D2HGDH: variants seen among roughly 807,000 people sequenced by gnomAD.
D2HGDH encodes D-2-hydroxyglutarate dehydrogenase, also known as D-2-hydroxyglutarate dehydrogenase, mitochondrial.
In D2HGDH, 31 loss-of-function variants were observed where a neutral mutation model predicts 46.9. The observed-to-expected ratio is 0.66, with a 90% confidence interval of 0.50 to 0.89. D2HGDH has a LOEUF of 0.89. D2HGDH is among the 40% of genes least tolerant of loss of function. The pLI, the probability that D2HGDH is intolerant of heterozygous loss-of-function variation, is 0.00. For missense variants in D2HGDH, 698 were observed against 720.8 expected, an observed-to-expected ratio of 0.97 and a Z score of 0.36; for synonymous variants, 364 against 332.6, an observed-to-expected ratio of 1.09 and a Z score of -1.03.
chr2:241,755,743 G>T, intron 8 of D2HGDH, 106 bp from the exon 9 acceptor site: 1 of 1,609,674 alleles, frequency 6.2e-7, no homozygotes, highest in Non-Finnish European at 8.5e-7. Context: ...GCCTCACCTG[G>T]TGAAGATACA....
At chr2:241,755,328 C>T (rs750925081) in intron 8 of D2HGDH, 1 of 1,303,128 alleles carries the variant, frequency 7.7e-7, no homozygotes, top group South Asian at 1.2e-5. Context: ...GCTGCCTGGG[C>T]CCTGCTGTTG....
At chr2:241,752,561 C>T (rs1245555973) in intron 8 of D2HGDH, among the ~76,000 whole-genome samples, 1 of 152,090 alleles carries the variant, frequency 6.6e-6, no homozygotes, top group Non-Finnish European at 1.5e-5. Context: ...CTGTGGCTTC[C>T]AGTCCAGGGG....
In D2HGDH at chr2:241,758,769, A is replaced by ATGTGTGTGTGTGTGTGTGTG. The variant is rs558559121; in HGVS notation, c.1306+2779_1306+2798dup. 1.5e-3 allele frequency among the ~76,000 whole-genome samples: 195 copies of ATGTGTGTGTGTGTGTGTGTG among 131,962 alleles called. 1 individual carries two copies. The highest frequency in any genetic ancestry group is 2.4e-3 in the Admixed American group (31 of 12,682). The allele number at this position is 131,962 out of a possible 152,430, so 86.6% of individuals were successfully genotyped here. A position where few individuals can be genotyped will look rare whatever the true frequency, so the allele number is the denominator to read the frequency against. On this transcript the variant is annotated intron_variant, in intron 9 of 9. Transcript: ENST00000321264. ...TATACCGCCCCCCGCCCCACAATAT[A>ATGTGTGTGTGTGTGTGTGTG]TGTGTGTGTGTGTGTGTGTGTGTGT...
In D2HGDH at chr2:241,735,343, C is replaced by G; in HGVS notation, c.119C>G (p.Pro40Arg). ...GCCCGCAGAGGCTGCTGCTCCGCCC[C>G]GGGGACCCCCGAGGTGCCGCTGACC... Reference protein sequence around the residue: ...PLARRGCCSAPGTPEVPLTRE... With the variant: ...PLARRGCCSARGTPEVPLTRE... Residue 40 changes from proline to arginine, a missense_variant, in exon 2 of 10, where the codon CCG becomes CGG. Physicochemically the swap from Pro to Arg is moderately radical, Grantham distance 103. Coordinates refer to ENST00000321264, the MANE Select transcript of D2HGDH (RefSeq NM_152783.5). The G allele has an allele frequency of 6.4e-7, 1 of 1,553,840 alleles. No homozygotes were observed. The highest frequency in any genetic ancestry group is 8.7e-7 in the Non-Finnish European group (1 of 1,154,006).
At chr2:241,736,885 TC>T (rs931124614) in intron 2 of D2HGDH, among the ~76,000 whole-genome samples, 4 of 152,072 alleles carry the variant, frequency 2.6e-5, no homozygotes, top group African/African-American at 9.6e-5. Flanking sequence ...GGTCTCGAAC[TC>T]CTGACTTCGG....
At position 241,742,096 on chromosome 2, in the gene D2HGDH, T is replaced by C. The variant is rs532317912; in HGVS notation, c.351-339T>C. ...AGAGGGTGGAAGGCAGTGGGGGCAGTGCGGTCGAGGAACCCTGAGCTGGAC... is the reference window on the plus strand; with the variant it reads ...AGAGGGTGGAAGGCAGTGGGGGCAGCGCGGTCGAGGAACCCTGAGCTGGAC... On this transcript the variant is annotated intron_variant, in intron 3 of 9. Coordinates refer to ENST00000321264, the MANE Select transcript of D2HGDH (RefSeq NM_152783.5). The surrounding 1 kb of genome is among the most constrained non-coding windows in gnomAD (Gnocchi z 4.8). Among the ~76,000 whole-genome samples the C allele has an allele frequency of 1.1e-4, 17 of 152,000 alleles. No homozygotes were observed. The highest frequency in any genetic ancestry group is 2.1e-4 in the Non-Finnish European group (14 of 67,984).
Position 241,752,088 on chromosome 2 carries a change from T to C in D2HGDH, c.1140+700T>C, listed in dbSNP as rs145523218. ...GGGCCTGGGCAGTGGGAGGCGCCCT[T>C]GGTCACCGTCACCAGGGCCTGAGCA... On this transcript the variant is annotated intron_variant, in intron 8 of 9. Coordinates refer to ENST00000321264, the MANE Select transcript of D2HGDH (RefSeq NM_152783.5). Among the ~76,000 whole-genome samples, 2,429 of 130,126 alleles carry C rather than the reference T, an allele frequency of 0.019. 144 individuals are homozygous for C. The East Asian group carries it at 0.2, about 11-fold the overall frequency. 85.4% of individuals were successfully genotyped at this position (130,126 alleles called of 152,430 possible).
At chr2:241,761,499 A>G (rs1698811315) in intron 9 of D2HGDH, among the ~76,000 whole-genome samples, 1 of 152,200 alleles carries the variant, frequency 6.6e-6, no homozygotes, top group African/African-American at 2.4e-5. Flanking sequence ...AGGTTGTGCC[A>G]CTTCACTCCA....
chr2:241,757,793 A>G (rs1278133067), intron 9 of D2HGDH, among the ~76,000 whole-genome samples: 1 of 152,138 alleles, frequency 6.6e-6, no homozygotes, highest in African/African-American at 2.4e-5. Context: ...CCTCGCCTCT[A>G]CTAAAAATAC....
chr2:241,745,775 G>C (rs571252678), intron 6 of D2HGDH, among the ~76,000 whole-genome samples: 8 of 152,068 alleles, frequency 5.3e-5, no homozygotes, highest in Non-Finnish European at 1.2e-4. Context: ...CACTTCTGGC[G>C]TGTCTGAAAA....
At position 241,768,401 on chromosome 2, in the gene D2HGDH, C is replaced by T. The variant is rs1191197401; in HGVS notation, c.*432C>T. Reference sequence around the variant, plus strand: ...GGGGGCATGCGTGGGCAGCAGGGGGCGTGGGCAGCGGGGGCACGGGCAGGA... The same window carrying T: ...GGGGGCATGCGTGGGCAGCAGGGGGTGTGGGCAGCGGGGGCACGGGCAGGA... On this transcript the variant is annotated 3_prime_UTR_variant, in exon 10 of 10. Transcript: ENST00000321264. The T allele has an allele frequency of 5.5e-6, 1 of 183,244 alleles. No homozygotes were observed. 11.4% of individuals were successfully genotyped at this position (183,244 alleles called of 1,614,324 possible). A position where few individuals can be genotyped will look rare whatever the true frequency, so the allele number is the denominator to read the frequency against.
At chr2:241,755,606 C>T in intron 8 of D2HGDH, 1 of 1,507,600 alleles carries the variant, frequency 6.6e-7, no homozygotes, top group Non-Finnish European at 8.9e-7. Flanking sequence ...GGATTGATTC[C>T]AGGGTTGGAG....
In D2HGDH at chr2:241,752,449, C is replaced by G. The variant is rs138995880; in HGVS notation, c.1140+1061C>G. On this transcript the variant is annotated intron_variant, in intron 8 of 9. Transcript: ENST00000321264. ...CTGTGACAGTCAGCTCCCTTACATT[C>G]TGCCGCAGTAACAAGCAATCCCCAG... Among the ~76,000 whole-genome samples, 1,213 of 152,250 alleles carry G rather than the reference C, an allele frequency of 8.0e-3. 15 individuals are homozygous for G. Among genetic ancestry groups the G allele is most frequent in the African/African-American group, 0.027 (1,142 of 41,534 alleles).
rs544860437 is a variant in D2HGDH, at chr2:241,755,463, G to A, written c.1141-386G>A. The A allele has an allele frequency of 7.0e-5, 92 of 1,318,158 alleles. 1 individual carries two copies. In the South Asian group the frequency reaches 1.0e-3, roughly 15 times the overall value. 81.7% of individuals were successfully genotyped at this position (1,318,158 alleles called of 1,614,324 possible). On this transcript the variant is annotated intron_variant, in intron 8 of 9. Transcript: ENST00000321264. ...CCCTTGCCACTCTGTGCCGTGTCATGACCTGAAGCTGCAGGTGGGCGCCTC... is the reference window on the plus strand; with the variant it reads ...CCCTTGCCACTCTGTGCCGTGTCATAACCTGAAGCTGCAGGTGGGCGCCTC...
intron 8 of D2HGDH, among the ~76,000 whole-genome samples, chr2:241,754,006 C>T (rs77433658): frequency 0.25 from 38,021 of 152,066 alleles, 4,877 homozygotes; most frequent in African/African-American, 0.29. Flanking sequence ...TCAGCAAAGA[C>T]GGGGTGTGGG....
chr2:241,752,717 A>G (rs1418257999), intron 8 of D2HGDH, among the ~76,000 whole-genome samples: 1 of 151,832 alleles, frequency 6.6e-6, no homozygotes, highest in African/African-American at 2.4e-5. Context: ...GGGGACCCTC[A>G]TCCCGCACTG....
At chr2:241,745,931 G>A (rs935633651) in intron 6 of D2HGDH, among the ~76,000 whole-genome samples, 1 of 152,198 alleles carries the variant, frequency 6.6e-6, no homozygotes, top group African/African-American at 2.4e-5. Flanking sequence ...GTCGGTAGCT[G>A]CTGCTGTGAA....
In D2HGDH at chr2:241,735,270, G is replaced by T. The variant is rs1342645458; in HGVS notation, c.46G>T (p.Gly16Cys). Residue 16 changes from glycine (G) to cysteine (C), a missense_variant, in exon 2 of 10, where the codon GGT becomes TGT. Transcript: ENST00000321264. ...GGCGTGGCCCGCGTGGCTGTTGCGG[G>T]GTGCTCCGGGAGCCGCGGGTTCTTG... ...PLAWPAWLLR[G>C]APGAAGSWGR... The T allele has an allele frequency of 7.2e-6, 11 of 1,520,460 alleles. No homozygotes were observed. The highest frequency in any genetic ancestry group is 9.6e-6 in the Non-Finnish European group (11 of 1,141,762). 94.2% of individuals were successfully genotyped at this position (1,520,460 alleles called of 1,614,324 possible).
In D2HGDH at chr2:241,750,277, T is replaced by C; in HGVS notation, c.980T>C (p.Leu327Pro). The stretch of plus-strand genomic sequence containing the variant: ...CAGCTGGTCGGGCGCCATCTCCACC[T>C]GGCCAGCCCGGTGCAAGGTACTGAC... ...CMQLVGRHLH[L>P]ASPVQESPFY... The change falls in exon 7 of 10, where the codon CTG (leucine) becomes CCG (proline). Residue 327 changes from leucine to proline, a missense_variant. Physicochemically the swap from Leu to Pro is moderately conservative, Grantham distance 98 (BLOSUM62 -3). Transcript: ENST00000321264. The C allele has an allele frequency of 6.2e-7, 1 of 1,613,350 alleles. No homozygotes were observed.
Sources: gnomAD v4.1 joint callset for allele counts (sites outside exome capture counted in the v4.1 genomes callset) on GRCh38, gnomAD v4.1.1 for gene constraint, Gnocchi (gnomAD v3.1) non-coding constraint, MANE v1.5 for transcripts, NCBI Gene and HGNC (gene_info 2026-07-23, HGNC 2026-07-21) for gene names.